The following GALNTL6 variants were observed in gnomAD, a reference collection of about 807,000 sequenced individuals.
GALNTL6 encodes polypeptide N-acetylgalactosaminyltransferase like 6.
GALNTL6 carries 46 observed loss-of-function variants against 73.7 expected under a neutral mutation model. The observed-to-expected ratio is 0.62, with a 90% CI of 0.49 to 0.80. The LOEUF is 0.80. Ranked by LOEUF, GALNTL6 falls within the 30% of genes least tolerant of loss-of-function variation. The pLI is 0.00. For missense variants in GALNTL6, 604 were observed against 755.0 expected (o/e 0.80, Z 2.34); for synonymous variants, 259 against 263.7 (o/e 0.98, Z 0.17).
chr4:172,769,864 C>G (rs1560940483), intron 5 of GALNTL6, among the ~76,000 whole-genome samples: 2 of 152,158 alleles, frequency 1.3e-5, no homozygotes, highest in African/African-American at 2.4e-5. Context: ...GATTCAAATC[C>G]CAACTTTTCT....
At chr4:172,604,645 C>T (rs1207245046) in intron 5 of GALNTL6, among the ~76,000 whole-genome samples, 1 of 152,176 alleles carries the variant, frequency 6.6e-6, no homozygotes, top group Non-Finnish European at 1.5e-5. Flanking sequence ...CATATACCAT[C>T]ACCTTTGAAA....
intron 3 of GALNTL6, among the ~76,000 whole-genome samples, chr4:172,248,311 G>C (rs900742924): frequency 3.9e-5 from 6 of 152,170 alleles, no homozygotes; most frequent in African/African-American, 1.4e-4. Context: ...CAGCTTTGTA[G>C]ATGCACAGCA....
intron 5 of GALNTL6, among the ~76,000 whole-genome samples, chr4:172,801,085 G>A (rs201157826): frequency 6.6e-6 from 1 of 151,980 alleles, no homozygotes; most frequent in Non-Finnish European, 1.5e-5. Flanking sequence ...TAGTTCTTAA[G>A]AAAATACTGT....
intron 2 of GALNTL6, among the ~76,000 whole-genome samples, chr4:171,976,846 A>T (rs1162938384): frequency 6.6e-6 from 1 of 152,214 alleles, no homozygotes. Context: ...AGGAACAAAA[A>T]TCTCTAAAGA....
chr4:172,433,314 A>G (rs1731523654), intron 5 of GALNTL6, among the ~76,000 whole-genome samples: 1 of 152,090 alleles, frequency 6.6e-6, no homozygotes, highest in Non-Finnish European at 1.5e-5. Flanking sequence ...TAAATTGCCA[A>G]AAGGATTAAA....
At chr4:172,205,847 A>G (rs1389900643) in intron 2 of GALNTL6, among the ~76,000 whole-genome samples, 1 of 152,176 alleles carries the variant, frequency 6.6e-6, no homozygotes, top group African/African-American at 2.4e-5. Flanking sequence ...ATCTCATCAC[A>G]TAGTTTTTCC....
At chr4:172,184,262 GC>G (rs1265182228) in intron 2 of GALNTL6, among the ~76,000 whole-genome samples, 1 of 152,076 alleles carries the variant, frequency 6.6e-6, no homozygotes, top group Non-Finnish European at 1.5e-5. Context: ...CCTAAGTTCA[GC>G]ATTTCTCTGC....
chr4:172,798,574 T>G (rs1740419363), intron 5 of GALNTL6, among the ~76,000 whole-genome samples: 1 of 152,184 alleles, frequency 6.6e-6, no homozygotes, highest in Non-Finnish European at 1.5e-5. Flanking sequence ...TTAAACCTCT[T>G]TTCTTTATAA....
In GALNTL6 at chr4:172,199,506, A is replaced by G. The variant is rs1473022167; in HGVS notation, c.139-30150A>G. ...TTTGACTTGTAATTAGTGTAAAATA[A>G]TCTGTCTTTCCCAGTAAGTTTTGAG... On this transcript the variant is annotated intron_variant, in intron 2 of 12. Coordinates refer to ENST00000506823, the MANE Select transcript of GALNTL6 (RefSeq NM_001034845.3). 2.0e-5 allele frequency among the ~76,000 whole-genome samples: 3 copies of G among 152,320 alleles called. No homozygotes were observed. The East Asian group carries it at 5.8e-4, about 29-fold the overall frequency.
chr4:172,403,920 G>A (rs552984784), intron 5 of GALNTL6, among the ~76,000 whole-genome samples: 18 of 152,022 alleles, frequency 1.2e-4, no homozygotes, highest in South Asian at 2.1e-4. Context: ...TTAAAGAAGC[G>A]TACATTGTTA....
chr4:172,939,860 T>C (rs1748827301), intron 9 of GALNTL6, among the ~76,000 whole-genome samples: 1 of 152,096 alleles, frequency 6.6e-6, no homozygotes. Context: ...AATGAGAAAA[T>C]TGTGTGAGAA....
At chr4:172,242,159 G>A (rs967792881) in intron 3 of GALNTL6, among the ~76,000 whole-genome samples, 6 of 151,954 alleles carry the variant, frequency 3.9e-5, no homozygotes, top group African/African-American at 1.2e-4. Flanking sequence ...GACATTTTAT[G>A]GAACTATAGA....
chr4:171,901,977 G>A (rs1194841144), intron 2 of GALNTL6, among the ~76,000 whole-genome samples: 1 of 152,058 alleles, frequency 6.6e-6, no homozygotes, highest in African/African-American at 2.4e-5. Flanking sequence ...ACTAAAACAT[G>A]CATACAGCTC....
At chr4:172,261,865 A>G (rs1738269814) in intron 3 of GALNTL6, among the ~76,000 whole-genome samples, 1 of 151,418 alleles carries the variant, frequency 6.6e-6, no homozygotes, top group African/African-American at 2.4e-5. Flanking sequence ...CCCAAAGATC[A>G]TTCGAGAGCA....
chr4:172,050,559 G>T (rs1473753815), intron 2 of GALNTL6, among the ~76,000 whole-genome samples: 2 of 152,136 alleles, frequency 1.3e-5, no homozygotes, highest in Non-Finnish European at 2.9e-5. Flanking sequence ...AACATAAGTG[G>T]TCAGAGTTTA....
intron 5 of GALNTL6, among the ~76,000 whole-genome samples, chr4:172,616,182 T>C: frequency 6.6e-6 from 1 of 152,176 alleles, no homozygotes; most frequent in East Asian, 1.9e-4. Context: ...ATGGATCTCA[T>C]TTGAAAAGTT....
intron 5 of GALNTL6, among the ~76,000 whole-genome samples, chr4:172,402,262 G>A (rs1407876567): frequency 6.6e-6 from 1 of 151,970 alleles, no homozygotes; most frequent in East Asian, 1.9e-4. Flanking sequence ...TTGTCCCTGT[G>A]ATTACTAAAA....
intron 2 of GALNTL6, among the ~76,000 whole-genome samples, chr4:172,221,107 A>G (rs1357802684): frequency 6.6e-6 from 1 of 151,810 alleles, no homozygotes; most frequent in African/African-American, 2.4e-5. Context: ...GGTAACATAC[A>G]AGTTGGAGAA....
At chr4:172,082,750 C>T (rs935220056) in intron 2 of GALNTL6, among the ~76,000 whole-genome samples, 8 of 152,162 alleles carry the variant, frequency 5.3e-5, no homozygotes, top group Admixed American at 2.0e-4. Flanking sequence ...GCAAGAATCA[C>T]GTCAGCAGAG....
Sources: gnomAD v4.1 joint callset for allele counts (sites outside exome capture counted in the v4.1 genomes callset) on GRCh38, gnomAD v4.1.1 for gene constraint, MANE v1.5 for transcripts, NCBI Gene and HGNC (gene_info 2026-07-23, HGNC 2026-07-21) for gene names.